Variants in NELL1 observed in about 807,000 individuals in gnomAD.
NELL1 encodes neural EGFL like 1, also known as protein kinase C-binding protein NELL1.
Under a neutral mutation model 107.4 loss-of-function variants are expected in NELL1, and 76 were observed. That is an observed-to-expected ratio of 0.71 (90% confidence interval 0.59 to 0.86). NELL1 has a LOEUF of 0.86. Among genes scored for constraint, NELL1 ranks in the 40% least tolerant of loss-of-function variants. The pLI is 0.00. For missense variants in NELL1, 1,024 were observed against 1,005.5 expected (o/e 1.02, Z -0.25); for synonymous variants, 353 against 341.2 (o/e 1.03, Z -0.38).
intron 15 of NELL1, among the ~76,000 whole-genome samples, chr11:21,406,116 T>C (rs1395413976): frequency 6.6e-6 from 1 of 151,906 alleles, no homozygotes; most frequent in Non-Finnish European, 1.5e-5. Flanking sequence ...AAGCTAATCT[T>C]CAACAGGAGA....
intron 15 of NELL1, among the ~76,000 whole-genome samples, chr11:21,447,368 G>A (rs770352336): frequency 6.6e-6 from 1 of 152,112 alleles, no homozygotes; most frequent in Non-Finnish European, 1.5e-5. Context: ...CACTATAGCT[G>A]TGTATGTGCT....
intron 3 of NELL1, among the ~76,000 whole-genome samples, chr11:20,829,612 G>T (rs1337990730): frequency 1.3e-5 from 2 of 151,916 alleles, no homozygotes; most frequent in African/African-American, 4.8e-5. Context: ...TTCTGTTTCA[G>T]GATCTTGTCC....
intron 4 of NELL1, among the ~76,000 whole-genome samples, chr11:20,868,258 C>T (rs1467675144): frequency 2.0e-5 from 3 of 152,154 alleles, no homozygotes; most frequent in East Asian, 1.9e-4. Context: ...ATCATATTCT[C>T]ACGTGCTAAG....
chr11:20,965,120 A>G (rs1851364039), intron 12 of NELL1, among the ~76,000 whole-genome samples: 2 of 152,198 alleles, frequency 1.3e-5, no homozygotes, highest in Admixed American at 6.5e-5. Context: ...TAGAGCAAGC[A>G]TTGAGAGTTA....
At chr11:20,724,486 G>T (rs896740884) in intron 2 of NELL1, among the ~76,000 whole-genome samples, 1 of 152,086 alleles carries the variant, frequency 6.6e-6, no homozygotes, top group Non-Finnish European at 1.5e-5. Context: ...TCTCACTCAA[G>T]CTGAAAGTCC....
intron 12 of NELL1, among the ~76,000 whole-genome samples, chr11:21,036,721 C>G (rs1433672735): frequency 6.6e-6 from 1 of 151,952 alleles, no homozygotes; most frequent in Non-Finnish European, 1.5e-5. Context: ...AGTGATCTCT[C>G]TCTCTCTCTG....
chr11:20,982,234 C>T (rs1435337957), intron 12 of NELL1, among the ~76,000 whole-genome samples: 3 of 152,082 alleles, frequency 2.0e-5, no homozygotes, highest in Non-Finnish European at 4.4e-5. Flanking sequence ...TGAGAATTCA[C>T]GTTCACTCAA....
At chr11:21,001,824 T>C (rs181067302) in intron 12 of NELL1, among the ~76,000 whole-genome samples, 13 of 151,592 alleles carry the variant, frequency 8.6e-5, no homozygotes, top group Non-Finnish European at 1.6e-4. Context: ...AAATTGCACA[T>C]TTCCTGGAGC....
chr11:20,840,428 T>C (rs1848599917), intron 3 of NELL1, among the ~76,000 whole-genome samples: 1 of 152,234 alleles, frequency 6.6e-6, no homozygotes, highest in African/African-American at 2.4e-5. Flanking sequence ...CTTATCTCTA[T>C]TCTACCACTT....
intron 12 of NELL1, among the ~76,000 whole-genome samples, chr11:21,093,181 G>T (rs1854560461): frequency 6.6e-6 from 1 of 152,150 alleles, no homozygotes; most frequent in African/African-American, 2.4e-5. Context: ...GGGAAGACAT[G>T]TGCAGAGTCA....
Position 21,369,362 on chromosome 11 carries a change from ATT to A in NELL1, c.1550-1472_1550-1471del, listed in dbSNP as rs34302489. Among the ~76,000 whole-genome samples, 999 of 110,390 alleles carry A rather than the reference ATT, an allele frequency of 9.0e-3. 5 individuals carry two copies. The highest frequency in any genetic ancestry group is 0.021 in the African/African-American group (641 of 30,760). The allele number at this position is 110,390 out of a possible 152,430, so 72.4% of individuals were successfully genotyped here. Reference sequence around the variant, plus strand: ...TGATGAACTTACCATGGTAGGTACTATTTTTTTTTTTTTTTTTTTTGCATAGG... The same window carrying A: ...TGATGAACTTACCATGGTAGGTACTATTTTTTTTTTTTTTTTTTGCATAGG... On this transcript the variant is annotated intron_variant, in intron 14 of 19. Coordinates refer to ENST00000357134, the MANE Select transcript of NELL1 (RefSeq NM_006157.5).
rs149110382 is a variant in NELL1, at chr11:21,021,993, A to G, written c.1300+61433A>G. Among the ~76,000 whole-genome samples, 671 of 152,124 alleles carry G rather than the reference A, an allele frequency of 4.4e-3. 3 individuals are homozygous for G. Among genetic ancestry groups the G allele is most frequent in the African/African-American group, 0.014 (595 of 41,528 alleles). On this transcript the variant is annotated intron_variant, in intron 12 of 19. Coordinates refer to ENST00000357134, the MANE Select transcript of NELL1 (RefSeq NM_006157.5). ...TCCTGTACATTGTAGGATGTTTAGC[A>G]TCATCTTTGACCTCTTCCCACTAGA...
At chr11:21,301,373 C>T (rs1021738693) in intron 14 of NELL1, among the ~76,000 whole-genome samples, 1 of 152,172 alleles carries the variant, frequency 6.6e-6, no homozygotes, top group African/African-American at 2.4e-5. Flanking sequence ...AGTGTAAAAG[C>T]ATTCCTATTT....
At chr11:21,334,216 A>C (rs1439891306) in intron 14 of NELL1, among the ~76,000 whole-genome samples, 1 of 152,052 alleles carries the variant, frequency 6.6e-6, no homozygotes, top group Non-Finnish European at 1.5e-5. Context: ...AATGCTACAA[A>C]GGAGAAGTGC....
At chr11:20,723,732 T>G (rs983025325) in intron 2 of NELL1, among the ~76,000 whole-genome samples, 33 of 150,676 alleles carry the variant, frequency 2.2e-4, no homozygotes, top group Admixed American at 5.9e-4. Context: ...GGGGACTCTG[T>G]GGGGGGGGGC....
At chr11:20,723,004 A>G (rs1242501655) in intron 2 of NELL1, among the ~76,000 whole-genome samples, 1 of 152,150 alleles carries the variant, frequency 6.6e-6, no homozygotes, top group East Asian at 1.9e-4. Flanking sequence ...ACACTTTAAA[A>G]CTATCAGCTC....
chr11:21,052,942 G>A (rs1408621330), intron 12 of NELL1, among the ~76,000 whole-genome samples: 1 of 152,058 alleles, frequency 6.6e-6, no homozygotes, highest in African/African-American at 2.4e-5. Flanking sequence ...AAGAGAGTTT[G>A]GGTCACTGAG....
At chr11:20,962,114 C>T (rs1259036846) in intron 12 of NELL1, among the ~76,000 whole-genome samples, 1 of 151,842 alleles carries the variant, frequency 6.6e-6, no homozygotes, top group Non-Finnish European at 1.5e-5. Context: ...GGAGACATGT[C>T]ACTTGGGAGA....
intron 2 of NELL1, among the ~76,000 whole-genome samples, chr11:20,744,354 C>A (rs143041777): frequency 6.6e-6 from 1 of 152,330 alleles, no homozygotes; most frequent in African/African-American, 2.4e-5. Flanking sequence ...ATCATCCTTG[C>A]TTGTCATAAT....
Sources: allele counts gnomAD v4.1 joint callset (sites outside exome capture counted in the v4.1 genomes callset), GRCh38; gene constraint gnomAD v4.1.1; transcripts MANE v1.5; gene names NCBI Gene and HGNC (gene_info 2026-07-23, HGNC 2026-07-21).